Variants in AAMDC observed in about 807,000 individuals in gnomAD.
AAMDC encodes the protein adipogenesis associated Mth938 domain containing.
In AAMDC, 16 loss-of-function variants were observed where a neutral mutation model predicts 15.5. The ratio of observed to expected loss-of-function variants is 1.03; its 90% confidence interval spans 0.70 to 1.57. The LOEUF is 1.57. Among genes scored for constraint, AAMDC ranks in the 40% most tolerant of loss-of-function variants. The pLI, the probability that AAMDC is intolerant of heterozygous loss-of-function variation, is 0.00. For synonymous variants in AAMDC, 51 were observed against 51.6 expected (o/e 0.99, Z 0.05); for missense variants, 141 against 144.9 (o/e 0.97, Z 0.14).
At chr11:77,905,936 T>C (rs1209891574) in intron 3 of AAMDC, among the ~76,000 whole-genome samples, 1 of 152,220 alleles carries the variant, frequency 6.6e-6, no homozygotes, top group African/African-American at 2.4e-5. Context: ...ATGTATGTTG[T>C]TATTGTCTGT....
chr11:77,842,597 G>A lies in AAMDC; in HGVS notation c.101G>A (p.Arg34Gln), dbSNP rs1299909879. The A allele has an allele frequency of 2.5e-6, 4 of 1,613,768 alleles. No homozygotes were observed. The highest frequency in any genetic ancestry group is 3.3e-5 in the Admixed American group (2 of 59,928). Residue 34 changes from arginine to glutamine, a missense_variant, in exon 2 of 4, where the codon CGG (arginine) becomes CAG (glutamine). Arg to Gln is a conservative substitution (Grantham distance 43). Coordinates refer to ENST00000393427, the MANE Select transcript of AAMDC (RefSeq NM_024684.4). ...TGCAAAGTATGGCCAGGGGGTAGTC[G>A]GACTTGGGATTGGAGAGAAACAGGA... is the stretch of plus-strand genomic sequence containing the variant. ...KDCKVWPGGS[R>Q]TWDWRETGTE...
At chr11:77,832,995 GTGTATA>G (rs1480919570) in intron 1 of AAMDC, among the ~76,000 whole-genome samples, 2 of 74,740 alleles carry the variant, frequency 2.7e-5, no homozygotes, top group Non-Finnish European at 4.8e-5. Flanking sequence ...GTGTGTGTGT[GTGTATA>G]TATATATATT....
chr11:77,829,495 C>T (rs1054460121), intron 1 of AAMDC, among the ~76,000 whole-genome samples: 1 of 152,130 alleles, frequency 6.6e-6, no homozygotes, highest in Non-Finnish European at 1.5e-5. Flanking sequence ...CATACCAAGA[C>T]CATCTAATGG....
chr11:77,840,620 G>A (rs1949889726), intron 1 of AAMDC, among the ~76,000 whole-genome samples: 1 of 152,132 alleles, frequency 6.6e-6, no homozygotes, highest in African/African-American at 2.4e-5. Flanking sequence ...TGTTACCCAG[G>A]CTGGTCTTGA....
intron 1 of AAMDC, among the ~76,000 whole-genome samples, chr11:77,838,501 A>G (rs1949789072): frequency 6.6e-6 from 1 of 151,984 alleles, no homozygotes; most frequent in Admixed American, 6.6e-5. Context: ...TTATCTATAC[A>G]TTTTGGACTT....
intron 2 of AAMDC, among the ~76,000 whole-genome samples, chr11:77,858,312 T>C (rs1950721718): frequency 7.3e-6 from 1 of 136,774 alleles, no homozygotes; most frequent in Non-Finnish European, 1.6e-5. Flanking sequence ...CTTTTTTTTT[T>C]TTTTTTTTTT....
At chr11:77,842,413 C>A in intron 1 of AAMDC, 66 bp from the exon 2 acceptor site, 1 of 1,447,162 alleles carries the variant, frequency 6.9e-7, no homozygotes, top group South Asian at 1.3e-5. Context: ...CTTAGTATCA[C>A]TGTATTTTCA....
intron 3 of AAMDC, 92 bp downstream of exon 3, chr11:77,869,909 T>G (rs956800980): frequency 1.6e-6 from 2 of 1,217,000 alleles, no homozygotes; most frequent in African/African-American, 3.0e-5. Context: ...AGGTCATCTT[T>G]ATATATCATG....
intron 1 of AAMDC, among the ~76,000 whole-genome samples, chr11:77,825,982 G>A (rs1271275703): frequency 6.6e-6 from 1 of 152,060 alleles, no homozygotes; most frequent in East Asian, 1.9e-4. Flanking sequence ...GTGAGCCACC[G>A]TCTTACTACC....
intron 1 of AAMDC, among the ~76,000 whole-genome samples, chr11:77,837,799 A>G (rs928482293): frequency 6.6e-6 from 1 of 152,176 alleles, no homozygotes; most frequent in Admixed American, 6.6e-5. Context: ...GCTCATGCCT[A>G]TAATGCAAGC....
At chr11:77,854,183 G>A (rs547511784) in intron 2 of AAMDC, among the ~76,000 whole-genome samples, 167 of 151,882 alleles carry the variant, frequency 1.1e-3, no homozygotes, top group African/African-American at 3.6e-3. Context: ...TAGTAGAGAC[G>A]GGGTTTCATC....
At chr11:77,894,278 T>G (rs1445278323) in intron 5 of AAMDC, 1 of 1,430,280 alleles carries the variant, frequency 7.0e-7, no homozygotes, top group Admixed American at 1.8e-5. Flanking sequence ...AGAAGAGTTA[T>G]AAAATACTTA....
intron 2 of AAMDC, among the ~76,000 whole-genome samples, chr11:77,845,995 T>C (rs1251877580): frequency 2.0e-5 from 3 of 152,092 alleles, no homozygotes; most frequent in Admixed American, 6.6e-5. Flanking sequence ...TGTTGTTTTG[T>C]TTATATTTCT....
chr11:77,900,503 C>T, intron 5 of AAMDC: 1 of 592,296 alleles, frequency 1.7e-6, no homozygotes. Flanking sequence ...TTATTTCTGA[C>T]CTAGTATGTT....
intron 5 of AAMDC, chr11:77,884,812 T>C: frequency 2.4e-6 from 1 of 410,552 alleles, no homozygotes; most frequent in Non-Finnish European, 5.0e-6. Flanking sequence ...TGGAGTGCAG[T>C]GGCACGATCA....
rs573507528 is a variant in AAMDC at position 77,864,220 on chromosome 11, C to T, written c.133-5502C>T. On this transcript the variant is annotated intron_variant, in intron 2 of 3. Transcript: ENST00000393427. The stretch of plus-strand genomic sequence containing the variant: ...GGGATTACAGGCATGAGCCACCGCT[C>T]CTGGCCAAGATGATCCCTTTAATAT... 2.0e-5 allele frequency among the ~76,000 whole-genome samples: 3 copies of T among 152,238 alleles called. No individual in the cohort carries two copies. The East Asian group carries it at 5.8e-4, about 29-fold the overall frequency.
chr11:77,835,812 A>G (rs1032960964), intron 1 of AAMDC, among the ~76,000 whole-genome samples: 1 of 152,074 alleles, frequency 6.6e-6, no homozygotes, highest in Non-Finnish European at 1.5e-5. Context: ...TCCCAGCTAC[A>G]AGGGTGGCTG....
At chr11:77,863,755 C>G (rs552379340) in intron 2 of AAMDC, among the ~76,000 whole-genome samples, 84 of 151,812 alleles carry the variant, frequency 5.5e-4, no homozygotes, top group African/African-American at 2.0e-3. Flanking sequence ...CCTCAAGCGA[C>G]CCTCCTGCCT....
chr11:77,865,405 C>T (rs1424333295), intron 2 of AAMDC, among the ~76,000 whole-genome samples: 1 of 152,130 alleles, frequency 6.6e-6, no homozygotes, highest in Non-Finnish European at 1.5e-5. Flanking sequence ...TCTCCTAGAA[C>T]ATTTGAATTG....
Sources: gnomAD v4.1 joint callset for allele counts (sites outside exome capture counted in the v4.1 genomes callset) on GRCh38, gnomAD v4.1.1 for gene constraint, MANE v1.5 for transcripts, NCBI Gene and HGNC (gene_info 2026-07-23, HGNC 2026-07-21) for gene names.